Variants in IFI6 observed in about 807,000 individuals in gnomAD.
IFI6 encodes the protein interferon alpha-inducible protein 6.
IFI6 carries 10 observed loss-of-function variants against 12.7 expected under a neutral mutation model. The observed-to-expected ratio is 0.79, with a 90% CI of 0.49 to 1.33. The LOEUF (loss-of-function observed/expected upper bound fraction) is 1.33. IFI6 is among the 40% of genes most tolerant of loss of function. The pLI is 0.00. For synonymous variants in IFI6, 89 were observed against 86.2 expected (o/e 1.03, Z -0.18); for missense variants, 154 against 180.4 (o/e 0.85, Z 0.84).
At chr1:27,668,662 A>G in intron 2 of IFI6, 127 bp from the exon 3 acceptor site, 2 of 713,810 alleles carry the variant, frequency 2.8e-6, no homozygotes, top group Non-Finnish European at 2.3e-6. Flanking sequence ...AGAGAGCCTC[A>G]CAGAGGGGAA....
At chr1:27,670,092 C>T (rs2090393224) in intron 1 of IFI6, 1 of 152,118 alleles carries the variant, frequency 6.6e-6, no homozygotes, top group Non-Finnish European at 1.5e-5. Context: ...GTGGCCGATC[C>T]CACATGTTGA....
chr1:27,668,227 G>C lies in IFI6; in HGVS notation c.297C>G (p.Leu99=), dbSNP rs779588447. 8.4e-6 allele frequency: 13 copies of C among 1,540,174 alleles called. No individual in the cohort carries two copies. Among genetic ancestry groups the C allele is most frequent in the African/African-American group, 1.4e-5 (1 of 72,628 alleles). ...AGGLVATLQS[L]GAGGSSVVIG... is the part of the protein sequence containing the mutation. The stretch of plus-strand genomic sequence containing the variant: ...CAGGGGCCCAGGCCCCGCACTCACC[G>C]AGGCTCTGCAGCGTGGCCACTAGCC... Residue 99 remains leucine (L), a splice_region_variant and synonymous_variant, in exon 4 of 5, where the codon CTC becomes CTG. Coordinates refer to ENST00000361157, the MANE Select transcript of IFI6 (RefSeq NM_002038.4).
At chr1:27,667,920 A>T (rs916370341) in intron 4 of IFI6, among the ~76,000 whole-genome samples, 4 of 152,110 alleles carry the variant, frequency 2.6e-5, no homozygotes, top group Admixed American at 2.6e-4. Flanking sequence ...AAAATACAAA[A>T]ATTAGCCGGG....
At chr1:27,669,497 G>A in intron 1 of IFI6, 151 bp from the exon 2 acceptor site, 5 of 585,540 alleles carry the variant, frequency 8.5e-6, no homozygotes, top group South Asian at 7.7e-5. Context: ...TCGGGAATCC[G>A]TTTCCTCTCC....
Position 27,667,166 on chromosome 1 carries a change from G to T in IFI6, c.299-691C>A, listed in dbSNP as rs563274279. On this transcript the variant is annotated intron_variant, in intron 4 of 4. Transcript: ENST00000361157. ...TGCTTGCAGTCTCAACACTTTGGGAGGCCAAAGTGGGAGGATTGCTTGAGC... is the reference window on the plus strand; with the variant it reads ...TGCTTGCAGTCTCAACACTTTGGGATGCCAAAGTGGGAGGATTGCTTGAGC... Among the ~76,000 whole-genome samples the T allele has an allele frequency of 4.0e-5, 6 of 148,534 alleles. No individual in the cohort carries two copies. The East Asian group carries it at 6.0e-4, about 15-fold the overall frequency.
At chr1:27,671,338 G>T (rs2090402396) in intron 1 of IFI6, among the ~76,000 whole-genome samples, 1 of 151,120 alleles carries the variant, frequency 6.6e-6, no homozygotes, top group African/African-American at 2.4e-5. Flanking sequence ...TCATGGCAAA[G>T]TCAGGGTTTA....
At chr1:27,671,986 C>T (rs929600318) in intron 1 of IFI6, 137 bp downstream of exon 1, 1 of 152,220 alleles carries the variant, frequency 6.6e-6, no homozygotes, top group Non-Finnish European at 1.5e-5. Context: ...CAGCCCAGAG[C>T]ACTAAAAGGG....
chr1:27,669,222 T>TGCATCCTTACCC lies in IFI6; in HGVS notation c.70+11_70+22dup, dbSNP rs770236208. 6 of 1,551,272 alleles carry TGCATCCTTACCC rather than the reference T, an allele frequency of 3.9e-6. No individual in the cohort carries two copies. The African/African-American group carries it at 6.8e-5, about 18-fold the overall frequency. On this transcript the variant is annotated intron_variant, in intron 2 of 4. Transcript: ENST00000361157. Reference sequence around the variant, plus strand: ...CTGCACCCTTACCTGTCCCCTTACCTGCATCCTTACCCGCATTCTCACCTG... The same window carrying TGCATCCTTACCC: ...CTGCACCCTTACCTGTCCCCTTACCTGCATCCTTACCCGCATCCTTACCCGCATTCTCACCTG...
intron 4 of IFI6, 131 bp downstream of exon 4, chr1:27,668,095 C>T: frequency 1.1e-6 from 1 of 882,824 alleles, no homozygotes. Flanking sequence ...AATAAAGAAT[C>T]ACTTAATTCC....
At chr1:27,666,519 G>T in intron 4 of IFI6, 44 bp from the exon 5 acceptor site, 1 of 1,406,848 alleles carries the variant, frequency 7.1e-7, no homozygotes. Context: ...CAAGTGCCAG[G>T]CCTGGGAATC....
intron 4 of IFI6, among the ~76,000 whole-genome samples, chr1:27,667,798 C>T (rs565900413): frequency 1.3e-5 from 2 of 152,294 alleles, no homozygotes; most frequent in East Asian, 1.9e-4. Flanking sequence ...TGGCCGGACG[C>T]GGTGACTCAC....
At chr1:27,671,444 A>G (rs554067241) in intron 1 of IFI6, among the ~76,000 whole-genome samples, 1 of 144,124 alleles carries the variant, frequency 6.9e-6, no homozygotes, top group Non-Finnish European at 1.5e-5. Context: ...GCAGTGGCGC[A>G]ATCTCATCTC....
chr1:27,668,315 G>C lies in IFI6; in HGVS notation c.209C>G (p.Ser70Trp), dbSNP rs1199501682. The change falls in exon 4 of 5, where the codon TCG becomes TGG. Residue 70 changes from serine (S) to tryptophan (W), a missense_variant. Physicochemically the swap from Ser to Trp is radical, Grantham distance 177. Transcript: ENST00000361157. Reference sequence around the variant, plus strand: ...CCAGCTCATCAGCGAGGCAGCCACCGAGTTGGCCGCGATGCCGGCGCCGGT... The same window carrying C: ...CCAGCTCATCAGCGAGGCAGCCACCCAGTTGGCCGCGATGCCGGCGCCGGT... The part of the protein sequence containing the change: ...GFTGAGIAAN[S>W]VAASLMSWSA... 6.3e-7 allele frequency: 1 copy of C among 1,576,142 alleles called. No individual in the cohort carries two copies. Among genetic ancestry groups the C allele is most frequent in the Non-Finnish European group, 8.6e-7 (1 of 1,163,070 alleles).
chr1:27,669,861 A>G (rs1440072102), intron 1 of IFI6: 2 of 153,180 alleles, frequency 1.3e-5, no homozygotes, highest in Non-Finnish European at 2.9e-5. Flanking sequence ...TTGAATATCT[A>G]CTGGCACCAA....
chr1:27,669,544 G>T, intron 1 of IFI6, 198 bp from the exon 2 acceptor site: 1 of 531,786 alleles, frequency 1.9e-6, no homozygotes, highest in East Asian at 3.3e-5. Flanking sequence ...CCAACCGGTG[G>T]GTGTGCGGAT....
chr1:27,667,552 A>G (rs995054144), intron 4 of IFI6, among the ~76,000 whole-genome samples: 6 of 152,204 alleles, frequency 3.9e-5, no homozygotes, highest in Admixed American at 6.5e-5. Flanking sequence ...GAGTTACTCT[A>G]CTATGTTTCT....
chr1:27,669,419 A>G, intron 1 of IFI6, 73 bp from the exon 2 acceptor site: 1 of 885,310 alleles, frequency 1.1e-6, no homozygotes, highest in Non-Finnish European at 1.8e-6. Context: ...TTTCCCTTCC[A>G]GTTCCAACTG....
At chr1:27,669,206 T>C in intron 2 of IFI6, 39 bp downstream of exon 2, 1 of 1,549,248 alleles carries the variant, frequency 6.5e-7, no homozygotes, top group Non-Finnish European at 8.7e-7. Flanking sequence ...CCTGCACCCT[T>C]ACCTGTCCCC....
At chr1:27,669,047 CCTTACCCGCATCCTTACCTGCA>C (rs2090381730) in intron 2 of IFI6, among the ~76,000 whole-genome samples, 176 bp downstream of exon 2, 1 of 2,582 alleles carries the variant, frequency 3.9e-4, no homozygotes, top group African/African-American at 7.3e-4. Context: ...TTACCTGCAT[CCTTACCCGCATCCTTACCTGCA>C]TCCTTACCCG....
Sources: allele counts gnomAD v4.1 joint callset (sites outside exome capture counted in the v4.1 genomes callset), GRCh38; gene constraint gnomAD v4.1.1; transcripts MANE v1.5; gene names NCBI Gene and HGNC (gene_info 2026-07-23, HGNC 2026-07-21).